The following MGAT4A variants were observed in gnomAD, a reference collection of about 807,000 sequenced individuals.
MGAT4A encodes alpha-1,3-mannosyl-glycoprotein 4-beta-N-acetylglucosaminyltransferase A.
In MGAT4A, 33 loss-of-function variants were observed where a neutral mutation model predicts 74.1. The observed-to-expected ratio is 0.45, with a 90% CI of 0.34 to 0.60. MGAT4A has a LOEUF of 0.60. Ranked by LOEUF, MGAT4A falls within the 20% of genes least tolerant of loss-of-function variation. The pLI, the probability that MGAT4A is intolerant of heterozygous loss-of-function variation, is 0.02. For missense variants in MGAT4A, 479 were observed against 628.3 expected (o/e 0.76, Z 2.54); for synonymous variants, 198 against 210.4 (o/e 0.94, Z 0.51).
chr2:98,676,779 T>C (rs1171654889), intron 3 of MGAT4A, among the ~76,000 whole-genome samples: 1 of 152,096 alleles, frequency 6.6e-6, no homozygotes, highest in Non-Finnish European at 1.5e-5. Context: ...AGAGTGAAAA[T>C]CAGGCCATCA....
chr2:98,687,922 GA>G (rs1702149982), intron 2 of MGAT4A, among the ~76,000 whole-genome samples: 1 of 152,028 alleles, frequency 6.6e-6, no homozygotes, highest in African/African-American at 2.4e-5. Context: ...GCCTCAGACT[GA>G]AAAAGGAAAA....
rs145502191 is a variant in MGAT4A, at chr2:98,661,331, G to A, written c.537+1715C>T. Reference sequence around the variant, plus strand: ...CTGTATCCATACTGGATACATACATGGATCCACTGTATCCATATTATCAAG... The same window carrying A: ...CTGTATCCATACTGGATACATACATAGATCCACTGTATCCATATTATCAAG... On this transcript the variant is annotated intron_variant, in intron 5 of 15. Coordinates refer to ENST00000393487, the MANE Select transcript of MGAT4A (RefSeq NM_012214.3). Among the ~76,000 whole-genome samples, 415 of 152,242 alleles carry A rather than the reference G, an allele frequency of 2.7e-3. 4 individuals carry two copies. Among genetic ancestry groups the A allele is most frequent in the African/African-American group, 9.2e-3 (382 of 41,532 alleles).
chr2:98,689,536 T>C (rs2104300971), intron 2 of MGAT4A, among the ~76,000 whole-genome samples: 1 of 152,284 alleles, frequency 6.6e-6, no homozygotes, highest in South Asian at 2.1e-4. Flanking sequence ...ATATTATAAA[T>C]AAGAAGGCTG....
chr2:98,679,428 AAGAG>A (rs1269396942), intron 2 of MGAT4A, among the ~76,000 whole-genome samples: 2 of 98,348 alleles, frequency 2.0e-5, no homozygotes, highest in Non-Finnish European at 5.3e-5. Flanking sequence ...AAAAAAAAAA[AAGAG>A]ACCAGCCTAG....
intron 4 of MGAT4A, among the ~76,000 whole-genome samples, chr2:98,674,459 T>C (rs932807693): frequency 1.8e-4 from 28 of 152,230 alleles, no homozygotes; most frequent in Admixed American, 4.6e-4. Context: ...TGTCCTTACG[T>C]TGCTTCAAAC....
intron 8 of MGAT4A, among the ~76,000 whole-genome samples, chr2:98,651,561 T>C (rs532621765): frequency 6.6e-6 from 1 of 150,730 alleles, no homozygotes; most frequent in African/African-American, 2.4e-5. Flanking sequence ...CTATTGAATA[T>C]ACACAAAAGG....
intron 1 of MGAT4A, among the ~76,000 whole-genome samples, 151 bp downstream of exon 1, chr2:98,730,897 A>G (rs886389652): frequency 7.0e-6 from 1 of 142,172 alleles, no homozygotes; most frequent in East Asian, 2.1e-4. Context: ...GCCGCGGCGC[A>G]GTAGGCTCCT....
At chr2:98,659,507 T>A (rs1051305571) in intron 5 of MGAT4A, among the ~76,000 whole-genome samples, 21 of 152,086 alleles carry the variant, frequency 1.4e-4, no homozygotes, top group Non-Finnish European at 2.9e-4. Flanking sequence ...GTTTGGCGTG[T>A]CCCCACCCAA....
At chr2:98,656,132 T>C (rs957743510) in intron 7 of MGAT4A, 4 of 456,030 alleles carry the variant, frequency 8.8e-6, no homozygotes, top group Non-Finnish European at 1.5e-5. Context: ...ATCTAAAAGC[T>C]AGTTTAAGAA....
In MGAT4A at chr2:98,686,672, A is replaced by G. The variant is rs555636726; in HGVS notation, c.95-8201T>C. On this transcript the variant is annotated intron_variant, in intron 2 of 15. Transcript: ENST00000393487. The stretch of plus-strand genomic sequence containing the variant: ...AGCAATTCTCCTGCCTCAGCCTCCC[A>G]AAGAGCTGGGATTACAGGTGCACAC... Among the ~76,000 whole-genome samples the G allele has an allele frequency of 8.2e-4, 124 of 151,920 alleles. 1 individual carries two copies. Among genetic ancestry groups the G allele is most frequent in the Middle Eastern group, 3.4e-3 (1 of 294 alleles).
chr2:98,627,491 T>G (rs1337496758), intron 14 of MGAT4A, among the ~76,000 whole-genome samples: 1 of 152,060 alleles, frequency 6.6e-6, no homozygotes, highest in East Asian at 1.9e-4. Context: ...TCCTCCCACC[T>G]CAGCCTCCCG....
At chr2:98,728,981 G>A (rs1330588133) in intron 1 of MGAT4A, among the ~76,000 whole-genome samples, 1 of 152,040 alleles carries the variant, frequency 6.6e-6, no homozygotes, top group Non-Finnish European at 1.5e-5. Flanking sequence ...AAGCATACAG[G>A]TTATTAGAGT....
chr2:98,714,914 T>C (rs927499853), intron 2 of MGAT4A, among the ~76,000 whole-genome samples: 1 of 150,026 alleles, frequency 6.7e-6, no homozygotes, highest in African/African-American at 2.5e-5. Flanking sequence ...AATGGCCACC[T>C]CTGAGACAAT....
chr2:98,693,629 G>A (rs950715662), intron 2 of MGAT4A, among the ~76,000 whole-genome samples: 1 of 150,544 alleles, frequency 6.6e-6, no homozygotes, highest in African/African-American at 2.4e-5. Context: ...AATTGCTTGA[G>A]CCTTAGAGGT....
At chr2:98,627,375 T>C (rs1264791295) in intron 14 of MGAT4A, among the ~76,000 whole-genome samples, 4 of 152,218 alleles carry the variant, frequency 2.6e-5, no homozygotes, top group Admixed American at 2.6e-4. Flanking sequence ...CAAAAACTAG[T>C]TTTCTTTTTT....
chr2:98,698,672 G>A (rs546649246), intron 2 of MGAT4A, among the ~76,000 whole-genome samples: 40 of 151,982 alleles, frequency 2.6e-4, no homozygotes, highest in Non-Finnish European at 5.1e-4. Context: ...ATCTCCTCAC[G>A]TTGCCCAGGA....
chr2:98,621,544 G>A lies in MGAT4A; in HGVS notation c.*4022C>T, dbSNP rs1329480919. The A allele has an allele frequency of 6.4e-7, 1 of 1,551,012 alleles. No homozygotes were observed. Among genetic ancestry groups the A allele is most frequent in the African/African-American group, 1.4e-5 (1 of 72,992 alleles). ...CACAAGATTTGATTAGCCACCCCCA[G>A]ACAGTCTTCCTTTTGCTACATAACA... On this transcript the variant is annotated 3_prime_UTR_variant, in exon 16 of 16. Transcript: ENST00000393487.
At chr2:98,663,752 T>G (rs907946052) in intron 4 of MGAT4A, among the ~76,000 whole-genome samples, 1 of 152,212 alleles carries the variant, frequency 6.6e-6, no homozygotes, top group South Asian at 2.1e-4. Context: ...AAGTGAAATA[T>G]GGGATCTTGA....
intron 2 of MGAT4A, among the ~76,000 whole-genome samples, chr2:98,703,515 G>A (rs534697733): frequency 6.6e-6 from 1 of 152,232 alleles, no homozygotes; most frequent in African/African-American, 2.4e-5. Flanking sequence ...TAGGAACAGA[G>A]GGGAACTTCC....
Sources: allele counts gnomAD v4.1 joint callset (sites outside exome capture counted in the v4.1 genomes callset), GRCh38; gene constraint gnomAD v4.1.1; transcripts MANE v1.5; gene names NCBI Gene and HGNC (gene_info 2026-07-23, HGNC 2026-07-21).